Variants in CPA6 observed in about 807,000 individuals in gnomAD.
CPA6 encodes carboxypeptidase B.
A neutral mutation model predicts 63.3 loss-of-function variants in CPA6; 58 were observed. The observed-to-expected ratio is 0.92, with a 90% CI of 0.74 to 1.14. CPA6 has a LOEUF of 1.14. Among genes scored for constraint, CPA6 ranks in the 50% most tolerant of loss-of-function variants. CPA6 has a pLI of 0.00. For missense variants in CPA6, 565 were observed against 526.6 expected, an observed-to-expected ratio of 1.07 and a Z score of -0.71; for synonymous variants, 185 against 179.0, an observed-to-expected ratio of 1.03 and a Z score of -0.27.
intron 2 of CPA6, among the ~76,000 whole-genome samples, chr8:67,581,119 T>C (rs918906797): frequency 2.6e-5 from 4 of 152,196 alleles, no homozygotes; most frequent in African/African-American, 9.7e-5. Flanking sequence ...TGAACGAGTA[T>C]ATGTACTATG....
At chr8:67,552,774 C>CAAAAAAAAAAAAAAAAAAAAAAAAA (rs762395117) in intron 2 of CPA6, among the ~76,000 whole-genome samples, 10 of 20,928 alleles carry the variant, frequency 4.8e-4, no homozygotes, top group East Asian at 2.3e-3. Context: ...AAGACTGTCT[C>CAAAAAAAAAAAAAAAAAAAAAAAAA]AAAAAAAAAA....
At chr8:67,638,565 G>A (rs573225754) in intron 1 of CPA6, among the ~76,000 whole-genome samples, 1 of 151,634 alleles carries the variant, frequency 6.6e-6, no homozygotes, top group Admixed American at 6.5e-5. Flanking sequence ...GCTGCAAAGT[G>A]TTGCCTGCTG....
intron 6 of CPA6, among the ~76,000 whole-genome samples, chr8:67,503,464 TTAAA>T (rs1811868389): frequency 7.0e-6 from 1 of 143,654 alleles, no homozygotes; most frequent in African/African-American, 2.8e-5. Flanking sequence ...GCCCAGCTAA[TTAAA>T]TTTTTTTTTT....
intron 2 of CPA6, among the ~76,000 whole-genome samples, chr8:67,590,135 T>C (rs1306435603): frequency 3.3e-5 from 5 of 151,570 alleles, no homozygotes; most frequent in African/African-American, 2.4e-5. Context: ...TGAGAACATG[T>C]GGTGTTTGGT....
In CPA6 at chr8:67,661,412, C is replaced by T. The variant is rs527919136; in HGVS notation, c.117-37161G>A. Among the ~76,000 whole-genome samples the T allele has an allele frequency of 5.3e-5, 8 of 152,244 alleles. No homozygotes were observed. The East Asian group carries it at 9.7e-4, about 18-fold the overall frequency. ...GGACTGTGGCTTTAATCCAAGGGAC[C>T]GAGGAAGCCGCTGTGTGATCTGAGT... On this transcript the variant is annotated intron_variant, in intron 1 of 10. Coordinates refer to ENST00000297770, the MANE Select transcript of CPA6 (RefSeq NM_020361.5).
At chr8:67,424,360 A>T (rs957290549) in intron 10 of CPA6, among the ~76,000 whole-genome samples, 1 of 152,108 alleles carries the variant, frequency 6.6e-6, no homozygotes, top group Non-Finnish European at 1.5e-5. Context: ...CCCTGGTGCC[A>T]AAAAGGTTGG....
intron 1 of CPA6, among the ~76,000 whole-genome samples, chr8:67,629,897 G>A (rs1024295437): frequency 4.6e-5 from 7 of 152,090 alleles, no homozygotes; most frequent in African/African-American, 1.7e-4. Flanking sequence ...ACGAGGTCAG[G>A]AGATCGAGAC....
chr8:67,637,695 A>G (rs1026273566), intron 1 of CPA6, among the ~76,000 whole-genome samples: 4 of 151,558 alleles, frequency 2.6e-5, no homozygotes, highest in Non-Finnish European at 5.9e-5. Context: ...ATACCTTATT[A>G]TTATAAGGTA....
At chr8:67,587,042 C>T (rs972383936) in intron 2 of CPA6, among the ~76,000 whole-genome samples, 3 of 152,158 alleles carry the variant, frequency 2.0e-5, no homozygotes, top group East Asian at 1.9e-4. Context: ...ACTGCAGCTT[C>T]GCAGGCAGCA....
chr8:67,689,816 G>A lies in CPA6; in HGVS notation c.116+56198C>T, dbSNP rs569625503. Among the ~76,000 whole-genome samples, 20 of 152,286 alleles carry A rather than the reference G, an allele frequency of 1.3e-4. No individual in the cohort carries two copies. The South Asian group carries it at 3.9e-3, about 30-fold the overall frequency. ...AGTAATGGGATTACTGGGTTGAATG[G>A]TAGTTCTGTTTTAAGTTCTTCAAGA... is the stretch of plus-strand genomic sequence containing the variant. On this transcript the variant is annotated intron_variant, in intron 1 of 10. Coordinates refer to ENST00000297770, the MANE Select transcript of CPA6 (RefSeq NM_020361.5).
At chr8:67,569,828 G>T in intron 2 of CPA6, 1 of 185,668 alleles carries the variant, frequency 5.4e-6, no homozygotes, top group South Asian at 1.1e-4. Context: ...CACAGCTAGC[G>T]GCTACTGAGA....
intron 1 of CPA6, among the ~76,000 whole-genome samples, chr8:67,651,731 A>T (rs1217857532): frequency 2.6e-5 from 4 of 151,836 alleles, no homozygotes; most frequent in African/African-American, 4.8e-5. Flanking sequence ...GAGCTATTCT[A>T]TTTTTTTTTA....
chr8:67,553,257 T>C (rs575890826), intron 2 of CPA6, among the ~76,000 whole-genome samples: 10 of 152,334 alleles, frequency 6.6e-5, no homozygotes, highest in Non-Finnish European at 1.5e-4. Flanking sequence ...AATGTGTGCA[T>C]CTTAAAATTG....
chr8:67,725,774 G>C (rs1474802940), intron 1 of CPA6, among the ~76,000 whole-genome samples: 2 of 152,116 alleles, frequency 1.3e-5, no homozygotes, highest in African/African-American at 4.8e-5. Context: ...CAATCCTCCT[G>C]GTTCAGCAAT....
intron 6 of CPA6, among the ~76,000 whole-genome samples, chr8:67,489,999 A>G (rs952789044): frequency 1.3e-5 from 2 of 152,144 alleles, no homozygotes; most frequent in African/African-American, 2.4e-5. Flanking sequence ...GTGTCATTGT[A>G]TTGCATATGC....
intron 8 of CPA6, among the ~76,000 whole-genome samples, chr8:67,472,375 T>TTTTTA (rs1042918150): frequency 0.068 from 4,722 of 68,950 alleles, 101 homozygotes; most frequent in Non-Finnish European, 0.1. Flanking sequence ...AAGATTTATT[T>TTTTTA]TTTTATTTTA....
At chr8:67,513,028 A>T (rs578139377) in intron 3 of CPA6, among the ~76,000 whole-genome samples, 1 of 152,294 alleles carries the variant, frequency 6.6e-6, no homozygotes, top group South Asian at 2.1e-4. Context: ...GGAATTGATC[A>T]TTGACTTACT....
chr8:67,512,261 C>T (rs1342350015), intron 3 of CPA6, among the ~76,000 whole-genome samples: 1 of 152,162 alleles, frequency 6.6e-6, no homozygotes, highest in Non-Finnish European at 1.5e-5. Flanking sequence ...TTTCCTGCTG[C>T]TTCTTCCTGC....
intron 2 of CPA6, among the ~76,000 whole-genome samples, chr8:67,554,312 C>G (rs1813012531): frequency 6.6e-6 from 1 of 152,096 alleles, no homozygotes; most frequent in Non-Finnish European, 1.5e-5. Flanking sequence ...GAAGGGGGAG[C>G]TGGTGTCTTA....
Sources: allele counts gnomAD v4.1 joint callset (sites outside exome capture counted in the v4.1 genomes callset), GRCh38; gene constraint gnomAD v4.1.1; transcripts MANE v1.5; gene names NCBI Gene and HGNC (gene_info 2026-07-23, HGNC 2026-07-21).